CMIP: variants seen among roughly 807,000 people sequenced by gnomAD.
CMIP encodes C-Maf-inducing protein.
Under a neutral mutation model 97.3 loss-of-function variants are expected in CMIP, and 13 were observed. The observed-to-expected ratio is 0.13, with a 90% CI of 0.09 to 0.21. The LOEUF (loss-of-function observed/expected upper bound fraction) is 0.21, where lower values mean the gene tolerates loss of function less well. CMIP is among the 10% of genes least tolerant of loss of function. CMIP has a pLI of 1.00. For missense variants in CMIP, 847 were observed against 1,024.9 expected (o/e 0.83, Z 2.37); for synonymous variants, 538 against 436.3 (o/e 1.23, Z -2.91).
At chr16:81,490,949 GT>G (rs1400234711) in intron 1 of CMIP, among the ~76,000 whole-genome samples, 5 of 152,290 alleles carry the variant, frequency 3.3e-5, no homozygotes, top group African/African-American at 1.2e-4. Context: ...TGTAATGCCA[GT>G]TTTTCTCCTG....
intron 3 of CMIP, among the ~76,000 whole-genome samples, chr16:81,648,785 A>G (rs1465961922): frequency 0.034 from 58 of 1,690 alleles, no homozygotes; most frequent in African/African-American, 0.075. Flanking sequence ...TCTGTCTCAG[A>G]AAAAAAAAAA....
intron 1 of CMIP, among the ~76,000 whole-genome samples, chr16:81,573,648 G>A (rs746897204): frequency 6.6e-6 from 1 of 152,122 alleles, no homozygotes; most frequent in Non-Finnish European, 1.5e-5. Flanking sequence ...TGGGGGAGGG[G>A]GAGGTCTAGC....
intron 3 of CMIP, among the ~76,000 whole-genome samples, chr16:81,644,026 G>A (rs1354433948): frequency 6.6e-6 from 1 of 151,996 alleles, no homozygotes; most frequent in African/African-American, 2.4e-5. Context: ...CCCAGTCAGA[G>A]AGAAAAAAAA....
intron 3 of CMIP, among the ~76,000 whole-genome samples, chr16:81,624,129 GAA>G (rs5818342): frequency 0.06 from 8,669 of 143,658 alleles, 295 homozygotes; most frequent in Non-Finnish European, 0.08. Flanking sequence ...GTCTTTAACT[GAA>G]AAAAAAAAAA....
chr16:81,608,625 AT>A (rs949890034), intron 2 of CMIP, among the ~76,000 whole-genome samples: 4 of 152,020 alleles, frequency 2.6e-5, no homozygotes, highest in African/African-American at 9.7e-5. Flanking sequence ...CAGGTCTCGG[AT>A]TGGTAGCCCC....
intron 1 of CMIP, among the ~76,000 whole-genome samples, chr16:81,603,180 C>T (rs375500902): frequency 3.9e-5 from 6 of 152,108 alleles, no homozygotes; most frequent in Admixed American, 6.5e-5. Context: ...CCCGGGTTCA[C>T]GCCATTCTCC....
intron 1 of CMIP, among the ~76,000 whole-genome samples, chr16:81,503,250 GC>G (rs947152065): frequency 6.6e-6 from 1 of 152,156 alleles, no homozygotes. Context: ...AGTGAACACA[GC>G]CCTGGGTCAT....
rs2092579500 is a variant in CMIP at position 81,664,261 on chromosome 16, G to C, written c.745-8G>C. 1 of 1,594,258 alleles carries C rather than the reference G, an allele frequency of 6.3e-7. No homozygotes were observed. The highest frequency in any genetic ancestry group is 1.1e-5 in the South Asian group (1 of 87,176). ...GGCCGCAGTAACTGTACCCCACTCT[G>C]TCCCCAGCACTGCAGAGAGCGGCCC... is the stretch of plus-strand genomic sequence containing the variant. On this transcript the variant is annotated splice_polypyrimidine_tract_variant and splice_region_variant and intron_variant, in intron 6 of 20. Transcript: ENST00000537098.
chr16:81,597,464 A>G (rs1367295123), intron 1 of CMIP, among the ~76,000 whole-genome samples: 1 of 151,982 alleles, frequency 6.6e-6, no homozygotes, highest in Non-Finnish European at 1.5e-5. Flanking sequence ...CAAGTTGTGC[A>G]CCTGCTCAGA....
intron 1 of CMIP, among the ~76,000 whole-genome samples, chr16:81,463,531 A>G (rs1907016448): frequency 6.6e-6 from 1 of 152,206 alleles, no homozygotes; most frequent in South Asian, 2.1e-4. Flanking sequence ...GTGCGCATGG[A>G]GTCCTCTCTC....
intron 1 of CMIP, among the ~76,000 whole-genome samples, chr16:81,588,243 A>G (rs2091413830): frequency 6.6e-6 from 1 of 152,160 alleles, no homozygotes. Flanking sequence ...GACGGCTTGC[A>G]TAGTTTTTGT....
At chr16:81,671,049 G>C (rs1289275026) in intron 8 of CMIP, among the ~76,000 whole-genome samples, 1 of 152,116 alleles carries the variant, frequency 6.6e-6, no homozygotes. Context: ...GGCTAGTCTT[G>C]AACTCCTGAC....
intron 1 of CMIP, among the ~76,000 whole-genome samples, chr16:81,452,251 T>A (rs1220778777): frequency 6.6e-6 from 1 of 152,176 alleles, no homozygotes; most frequent in African/African-American, 2.4e-5. Flanking sequence ...GAATCCTGCC[T>A]CTGCAGTGTC....
At chr16:81,531,461 G>C (rs2150823080) in intron 1 of CMIP, among the ~76,000 whole-genome samples, 1 of 152,300 alleles carries the variant, frequency 6.6e-6, no homozygotes, top group East Asian at 1.9e-4. Flanking sequence ...GAGGCCCTTG[G>C]GACATCAATG....
At chr16:81,595,751 C>A (rs1311884717) in intron 1 of CMIP, among the ~76,000 whole-genome samples, 1 of 152,158 alleles carries the variant, frequency 6.6e-6, no homozygotes, top group Non-Finnish European at 1.5e-5. Flanking sequence ...GCATAATACT[C>A]CATTGAATGG....
At chr16:81,636,994 T>A (rs981329693) in intron 3 of CMIP, among the ~76,000 whole-genome samples, 1 of 152,196 alleles carries the variant, frequency 6.6e-6, no homozygotes, top group African/African-American at 2.4e-5. Flanking sequence ...TCTTTTTAAC[T>A]GCTGTTTGCT....
chr16:81,476,651 T>G lies in CMIP; in HGVS notation c.300+31110T>G, dbSNP rs1907941767. 5 of 388,028 alleles carry G rather than the reference T, an allele frequency of 1.3e-5. No individual in the cohort carries two copies. In the East Asian group the frequency reaches 3.0e-4, roughly 23 times the overall value. 24.0% of individuals were successfully genotyped at this position (388,028 alleles called of 1,614,324 possible). On this transcript the variant is annotated intron_variant, in intron 1 of 20. Transcript: ENST00000537098. ...CAACTTGCCTTTTTAGTTTGCTTAC[T>G]TTCTGTATATGAGATCCATTGTATG...
chr16:81,546,124 C>T (rs10514517), intron 1 of CMIP, among the ~76,000 whole-genome samples: 28,103 of 152,160 alleles, frequency 0.18, 2,704 homozygotes, highest in East Asian at 0.25. Context: ...CTGGTTCTTA[C>T]GAGTTATCGT....
intron 1 of CMIP, among the ~76,000 whole-genome samples, chr16:81,478,911 G>C (rs1420398050): frequency 1.3e-5 from 2 of 152,130 alleles, no homozygotes; most frequent in East Asian, 3.9e-4. Context: ...AGCCAGCCCA[G>C]CCTCGTCTTG....
Sources: allele counts gnomAD v4.1 joint callset (sites outside exome capture counted in the v4.1 genomes callset), GRCh38; gene constraint gnomAD v4.1.1; transcripts MANE v1.5; gene names NCBI Gene and HGNC (gene_info 2026-07-23, HGNC 2026-07-21).